CLASP2: variants seen among roughly 807,000 people sequenced by gnomAD.
CLASP2 encodes cytoplasmic linker associated protein 2.
CLASP2 carries 47 observed loss-of-function variants against 194.4 expected under a neutral mutation model. That is an observed-to-expected ratio of 0.24 (90% confidence interval 0.19 to 0.31). The LOEUF is 0.31. Among genes scored for constraint, CLASP2 ranks in the 10% least tolerant of loss-of-function variants. CLASP2 has a pLI of 1.00. For missense variants in CLASP2, 1,445 were observed against 1,823.6 expected (o/e 0.79, Z 3.78); for synonymous variants, 619 against 633.5 (o/e 0.98, Z 0.34).
At chr3:33,517,251 G>A in intron 34 of CLASP2, 77 bp from the exon 35 acceptor site, 1 of 1,067,356 alleles carries the variant, frequency 9.4e-7, no homozygotes, top group Non-Finnish European at 1.3e-6. Flanking sequence ...AACTTTATAT[G>A]ATGAAACACA....
chr3:33,652,719 T>C (rs1226362705), intron 7 of CLASP2, among the ~76,000 whole-genome samples: 1 of 152,056 alleles, frequency 6.6e-6, no homozygotes, highest in African/African-American at 2.4e-5. Context: ...CCCCCATGGG[T>C]ATCTCCAAGC....
chr3:33,625,326 C>T (rs2077812431), intron 10 of CLASP2, among the ~76,000 whole-genome samples: 1 of 151,678 alleles, frequency 6.6e-6, no homozygotes, highest in Non-Finnish European at 1.5e-5. Flanking sequence ...TACCCTAGAA[C>T]TTAAAGTATA....
At chr3:33,517,243 CT>C in intron 34 of CLASP2, 69 bp from the exon 35 acceptor site, 1 of 1,191,520 alleles carries the variant, frequency 8.4e-7, no homozygotes, top group Non-Finnish European at 1.2e-6. Flanking sequence ...GGGATAACAA[CT>C]TTATATGATG....
chr3:33,699,721 T>C (rs201015945), intron 1 of CLASP2, among the ~76,000 whole-genome samples: 2 of 152,038 alleles, frequency 1.3e-5, no homozygotes, highest in Non-Finnish European at 2.9e-5. Flanking sequence ...TTAACAATAA[T>C]AAAGTATAAT....
At chr3:33,532,139 G>A (rs2154129928) in intron 34 of CLASP2, among the ~76,000 whole-genome samples, 1 of 152,322 alleles carries the variant, frequency 6.6e-6, no homozygotes, top group East Asian at 1.9e-4. Flanking sequence ...ATCAGTGGAT[G>A]AATGGATAAG....
At chr3:33,641,835 T>C (rs768949102) in intron 8 of CLASP2, among the ~76,000 whole-genome samples, 2 of 151,830 alleles carry the variant, frequency 1.3e-5, no homozygotes, top group African/African-American at 2.4e-5. Flanking sequence ...GCCACTATTA[T>C]ACATTTCCAC....
At chr3:33,656,129 G>GC (rs1310398960) in intron 7 of CLASP2, among the ~76,000 whole-genome samples, 1 of 152,040 alleles carries the variant, frequency 6.6e-6, no homozygotes, top group African/African-American at 2.4e-5. Context: ...AAATTGAAAA[G>GC]CCCCCCAAAC....
At chr3:33,674,731 C>A (rs556327221) in intron 6 of CLASP2, among the ~76,000 whole-genome samples, 24 of 151,500 alleles carry the variant, frequency 1.6e-4, no homozygotes, top group Middle Eastern at 3.4e-3. Flanking sequence ...TCAAATAGAC[C>A]CAATAAAAAA....
At chr3:33,525,417 G>A (rs1391604867) in intron 34 of CLASP2, among the ~76,000 whole-genome samples, 1 of 152,040 alleles carries the variant, frequency 6.6e-6, no homozygotes, top group Non-Finnish European at 1.5e-5. Context: ...CAAACATCCA[G>A]GTGCTCACAA....
intron 6 of CLASP2, among the ~76,000 whole-genome samples, chr3:33,672,598 T>C (rs1468538866): frequency 6.6e-6 from 1 of 152,204 alleles, no homozygotes; most frequent in Non-Finnish European, 1.5e-5. Flanking sequence ...GGATGGAGAA[T>C]GACTTTGACG....
intron 21 of CLASP2, 77 bp downstream of exon 21, chr3:33,592,318 C>G (rs1273542858): frequency 6.9e-6 from 7 of 1,010,880 alleles, no homozygotes; most frequent in Middle Eastern, 2.0e-4. Context: ...GGTCAATCGT[C>G]TAATACAGTA....
chr3:33,707,956 C>T (rs928599587), intron 1 of CLASP2, among the ~76,000 whole-genome samples: 1 of 152,144 alleles, frequency 6.6e-6, no homozygotes, highest in Non-Finnish European at 1.5e-5. Flanking sequence ...AATATGGTAT[C>T]ACACTTGGCA....
At chr3:33,589,674 T>C (rs2068256926) in intron 21 of CLASP2, among the ~76,000 whole-genome samples, 1 of 152,144 alleles carries the variant, frequency 6.6e-6, no homozygotes, top group African/African-American at 2.4e-5. Flanking sequence ...ATTACTGTGT[T>C]TTCACAATTT....
chr3:33,589,001 A>G (rs2068041322), intron 21 of CLASP2, among the ~76,000 whole-genome samples: 1 of 152,166 alleles, frequency 6.6e-6, no homozygotes, highest in African/African-American at 2.4e-5. Flanking sequence ...GCAACAGTAA[A>G]TGTAAATTCT....
intron 37 of CLASP2, among the ~76,000 whole-genome samples, chr3:33,506,585 T>C (rs143592743): frequency 6.6e-6 from 1 of 152,158 alleles, no homozygotes; most frequent in East Asian, 1.9e-4. Flanking sequence ...AATGGTTGCT[T>C]AAGTAGATGG....
rs9809606 is a variant in CLASP2, at chr3:33,663,519, G to C, written c.645-4C>G. The C allele has an allele frequency of 9.1e-4, 1,455 of 1,599,420 alleles. 15 individuals are homozygous for C. The African/African-American group carries it at 0.018, about 20-fold the overall frequency. On this transcript the variant is annotated splice_region_variant and splice_polypyrimidine_tract_variant and intron_variant, in intron 6 of 38. Transcript: ENST00000682230. ...TTTGGCAAATATCATTTCTAATCTG[G>C]GAATAAAGAATAAATTGGGTTTGTT...
At chr3:33,717,483 G>C (rs2093351267) in intron 1 of CLASP2, among the ~76,000 whole-genome samples, 1 of 152,048 alleles carries the variant, frequency 6.6e-6, no homozygotes, top group Non-Finnish European at 1.5e-5. Context: ...CTGGAGTGCA[G>C]TGGCTCGATC....
At chr3:33,557,273 C>T (rs904912688) in intron 29 of CLASP2, among the ~76,000 whole-genome samples, 3 of 152,176 alleles carry the variant, frequency 2.0e-5, no homozygotes, top group Non-Finnish European at 4.4e-5. Context: ...GGTGCCCAGC[C>T]TCACCCTTAC....
intron 9 of CLASP2, among the ~76,000 whole-genome samples, chr3:33,629,362 G>C (rs1380496372): frequency 1.3e-5 from 2 of 152,162 alleles, no homozygotes; most frequent in Non-Finnish European, 2.9e-5. Context: ...CACTGGTGGA[G>C]GTGCTGGCCC....
Sources: gnomAD v4.1 joint callset for allele counts (sites outside exome capture counted in the v4.1 genomes callset) on GRCh38, gnomAD v4.1.1 for gene constraint, MANE v1.5 for transcripts, NCBI Gene and HGNC (gene_info 2026-07-23, HGNC 2026-07-21) for gene names.